SH3BP4: variants seen among roughly 807,000 people sequenced by gnomAD.
SH3BP4 encodes the protein SH3 domain-binding protein 4.
A neutral mutation model predicts 65.5 loss-of-function variants in SH3BP4; 33 were observed. That is an observed-to-expected ratio of 0.50 (90% CI 0.38 to 0.67). SH3BP4 has a LOEUF of 0.67. Among genes scored for constraint, SH3BP4 ranks in the 30% least tolerant of loss-of-function variants. The pLI is 0.00. For missense variants in SH3BP4, 1,134 were observed against 1,261.4 expected (o/e 0.90, Z 1.53); for synonymous variants, 552 against 545.5 (o/e 1.01, Z -0.17).
At chr2:235,028,332 G>T (rs1269051333) in intron 2 of SH3BP4, among the ~76,000 whole-genome samples, 1 of 152,208 alleles carries the variant, frequency 6.6e-6, no homozygotes, top group Non-Finnish European at 1.5e-5. Context: ...CTGCTGAGTA[G>T]ACGGTGGTCA....
rs536560384 is a variant in SH3BP4, at chr2:234,956,557, C to CT, written c.-207+4403dup. ...TGCATAACTGAGGACAACCCTGCCT[C>CT]TTTTTTTTTTTTTTTTGAGTTGAGA... On this transcript the variant is annotated intron_variant, in intron 1 of 5. Coordinates refer to ENST00000392011, the MANE Select transcript of SH3BP4 (RefSeq NM_014521.3). Among the ~76,000 whole-genome samples the CT allele has an allele frequency of 6.6e-3, 910 of 138,264 alleles. 7 individuals are homozygous for CT. The highest frequency in any genetic ancestry group is 0.013 in the African/African-American group (499 of 37,744). The allele number at this position is 138,264 out of a possible 152,430, so 90.7% of individuals were successfully genotyped here. A position where few individuals can be genotyped will look rare whatever the true frequency, so the allele number is the denominator to read the frequency against.
intron 1 of SH3BP4, among the ~76,000 whole-genome samples, chr2:234,981,148 T>C (rs995712471): frequency 2.4e-4 from 37 of 152,216 alleles, no homozygotes; most frequent in African/African-American, 8.7e-4. Flanking sequence ...GGCACAATTC[T>C]GAATTTTTCT....
At chr2:234,989,672 G>A (rs1693689841) in intron 1 of SH3BP4, among the ~76,000 whole-genome samples, 1 of 152,218 alleles carries the variant, frequency 6.6e-6, no homozygotes, top group Non-Finnish European at 1.5e-5. Context: ...AACTGGTGGG[G>A]CTGGGCTCTG....
rs113169153 is a variant in SH3BP4 at position 234,988,266 on chromosome 2, A to G, written c.-206-7037A>G. 1.3e-3 allele frequency among the ~76,000 whole-genome samples: 201 copies of G among 152,150 alleles called. 3 individuals carry two copies. The South Asian group carries it at 0.015, about 11-fold the overall frequency. ...AGTAGAGACAGGGTTTCACCGTGTT[A>G]GCCAGGATAGTCTTGATCTCCTGAC... On this transcript the variant is annotated intron_variant, in intron 1 of 5. Coordinates refer to ENST00000392011, the MANE Select transcript of SH3BP4 (RefSeq NM_014521.3).
At chr2:235,021,844 TA>T (rs1694855147) in intron 2 of SH3BP4, among the ~76,000 whole-genome samples, 1 of 152,142 alleles carries the variant, frequency 6.6e-6, no homozygotes, top group Non-Finnish European at 1.5e-5. Flanking sequence ...TGTACACATT[TA>T]AAAATGCATT....
At chr2:234,973,262 C>T (rs1693049905) in intron 1 of SH3BP4, among the ~76,000 whole-genome samples, 1 of 152,194 alleles carries the variant, frequency 6.6e-6, no homozygotes, top group Admixed American at 6.5e-5. Flanking sequence ...TGAGCCATCC[C>T]TGGTGGGAGG....
At chr2:235,029,474 G>T (rs1695108850) in intron 2 of SH3BP4, among the ~76,000 whole-genome samples, 1 of 152,180 alleles carries the variant, frequency 6.6e-6, no homozygotes, top group Non-Finnish European at 1.5e-5. Context: ...GCTTTGAGGG[G>T]GCTCAGGCTG....
Position 234,976,383 on chromosome 2 carries a change from T to TCAA in SH3BP4, c.-206-18918_-206-18916dup, listed in dbSNP as rs1693168061. Among the ~76,000 whole-genome samples the TCAA allele has an allele frequency of 6.6e-6, 1 of 152,230 alleles. No homozygotes were observed. Among genetic ancestry groups the TCAA allele is most frequent in the South Asian group, 2.1e-4 (1 of 4,830 alleles). ...TTTTAAACTTGTGTTGACCTTATAG[T>TCAA]CAACTGATAGTTCTGAGTAGTTAAG... On this transcript the variant is annotated intron_variant, in intron 1 of 5. Coordinates refer to ENST00000392011, the MANE Select transcript of SH3BP4 (RefSeq NM_014521.3). This position sits in a 1 kb window ranked among gnomAD's most constrained non-coding sequence, Gnocchi z 4.7.
intron 1 of SH3BP4, among the ~76,000 whole-genome samples, chr2:234,982,131 G>A (rs139264042): frequency 3.7e-4 from 56 of 152,310 alleles, no homozygotes; most frequent in African/African-American, 1.3e-3. Flanking sequence ...CTGAAAATTC[G>A]ATGTAACCGG....
chr2:235,053,604 C>A lies in SH3BP4; in HGVS notation c.2680C>A (p.Pro894Thr). 1 of 1,614,022 alleles carries A rather than the reference C, an allele frequency of 6.2e-7. No homozygotes were observed. Among genetic ancestry groups the A allele is most frequent in the Non-Finnish European group, 8.5e-7 (1 of 1,179,924 alleles). Residue 894 changes from proline to threonine, a missense_variant, in exon 6 of 6, where the codon CCT (proline) becomes ACT (threonine). By Grantham distance (38) the Pro-to-Thr change is conservative. Coordinates refer to ENST00000392011, the MANE Select transcript of SH3BP4 (RefSeq NM_014521.3). ...CTCCACCTCCCAGGCCATGTGGAAG[C>A]CTGCGTATGACTTCTTACTCACCTG... is the stretch of plus-strand genomic sequence containing the variant. Reference protein sequence around the residue: ...GVVDSEAMWKPAYDFLLTWSH... With the variant: ...GVVDSEAMWKTAYDFLLTWSH...
rs1415255712 is a variant in SH3BP4 at position 235,042,388 on chromosome 2, G to C, written c.1619G>C (p.Cys540Ser). 6.2e-7 allele frequency: 1 copy of C among 1,614,176 alleles called. No individual in the cohort carries two copies. The change falls in exon 4 of 6, where the codon TGT becomes TCT. Residue 540 changes from cysteine (C) to serine (S), a missense_variant. Cys to Ser is a moderately radical substitution (Grantham distance 112, BLOSUM62 -1). Coordinates refer to ENST00000392011, the MANE Select transcript of SH3BP4 (RefSeq NM_014521.3). This position sits in a 1 kb window ranked among gnomAD's most constrained non-coding sequence, Gnocchi z 7.3. ...TCCAGGCCCCAGGATCTCAAGGTCT[G>C]TATGTTTTCCAATATGACGAATTAC... ...VLSRPQDLKV[C>S]MFSNMTNYEV...
chr2:235,009,804 ACCTT>A (rs1447534036), intron 2 of SH3BP4, among the ~76,000 whole-genome samples: 1 of 151,784 alleles, frequency 6.6e-6, no homozygotes, highest in Admixed American at 6.6e-5. Flanking sequence ...AAAACCCTCT[ACCTT>A]CCTTTTTCTC....
Position 234,970,253 on chromosome 2 carries a change from T to C in SH3BP4, c.-207+18083T>C, listed in dbSNP as rs370580986. On this transcript the variant is annotated intron_variant, in intron 1 of 5. Coordinates refer to ENST00000392011, the MANE Select transcript of SH3BP4 (RefSeq NM_014521.3). ...CGCTGATGCCGAAGGACTGGCCGGATGGAATCTTAAATGTAGAGAAGCCTT... is the reference window on the plus strand; with the variant it reads ...CGCTGATGCCGAAGGACTGGCCGGACGGAATCTTAAATGTAGAGAAGCCTT... 6.6e-5 allele frequency among the ~76,000 whole-genome samples: 10 copies of C among 152,222 alleles called. No individual in the cohort carries two copies. In the East Asian group the frequency reaches 7.7e-4, roughly 12 times the overall value.
rs1468643681 is a variant in SH3BP4, at chr2:234,978,389, A to G, written c.-206-16914A>G. On this transcript the variant is annotated intron_variant, in intron 1 of 5. Transcript: ENST00000392011. The surrounding 1 kb of genome is among the most constrained non-coding windows in gnomAD (Gnocchi z 4.1). ...GGTGCCAGGTGAGGAGGGTGGGTAA[A>G]AATGCAGGGTCCTCCTCACTGCAGT... 6.6e-6 allele frequency among the ~76,000 whole-genome samples: 1 copy of G among 152,128 alleles called. No homozygotes were observed. The highest frequency in any genetic ancestry group is 1.5e-5 in the Non-Finnish European group (1 of 68,020).
chr2:235,018,768 G>C (rs1187208874), intron 2 of SH3BP4, among the ~76,000 whole-genome samples: 1 of 152,116 alleles, frequency 6.6e-6, no homozygotes, highest in Non-Finnish European at 1.5e-5. Flanking sequence ...GTGTTGTTCT[G>C]GGAATCGGGG....
chr2:235,012,214 T>C (rs1694532714), intron 2 of SH3BP4, among the ~76,000 whole-genome samples: 1 of 152,034 alleles, frequency 6.6e-6, no homozygotes, highest in African/African-American at 2.4e-5. Flanking sequence ...GCAACTGGGA[T>C]GGGAAGCGCC....
chr2:235,042,583 G>T lies in SH3BP4; in HGVS notation c.1814G>T (p.Cys605Phe), dbSNP rs1468943061. The T allele has an allele frequency of 6.8e-6, 11 of 1,613,930 alleles. No individual in the cohort carries two copies. The highest frequency in any genetic ancestry group is 1.3e-5 in the African/African-American group (1 of 74,892). The change falls in exon 4 of 6, where the codon TGT becomes TTT. Residue 605 changes from cysteine (C) to phenylalanine (F), a missense_variant. Cys to Phe is a radical substitution (Grantham distance 205, BLOSUM62 -2). Coordinates refer to ENST00000392011, the MANE Select transcript of SH3BP4 (RefSeq NM_014521.3). This position sits in a 1 kb window ranked among gnomAD's most constrained non-coding sequence, Gnocchi z 7.3. ...DDQEAILTQF[C>F]VQTPQPPPKS... ...CAGGAGGCCATCCTCACCCAGTTTT[G>T]TGTCCAGACTCCTCAGCCACCCCCT...
Position 235,016,371 on chromosome 2 carries a change from G to T in SH3BP4, c.-132-18500G>T, listed in dbSNP as rs1339348783. ...GTCACCTGAGCATGTGTTGTACTGG[G>T]TGTGCTGCGGTGTTGTACTTAGAAA... On this transcript the variant is annotated intron_variant, in intron 2 of 5. Coordinates refer to ENST00000392011, the MANE Select transcript of SH3BP4 (RefSeq NM_014521.3). 2.6e-5 allele frequency among the ~76,000 whole-genome samples: 4 copies of T among 152,292 alleles called. No homozygotes were observed. The East Asian group carries it at 7.7e-4, about 29-fold the overall frequency.
intron 1 of SH3BP4, among the ~76,000 whole-genome samples, chr2:234,985,735 G>A (rs932994889): frequency 6.6e-6 from 1 of 152,200 alleles, no homozygotes; most frequent in Admixed American, 6.5e-5. Flanking sequence ...CAGGGACTGT[G>A]CGCAGGTGAA....
Sources: gnomAD v4.1 joint callset for allele counts (sites outside exome capture counted in the v4.1 genomes callset) on GRCh38, gnomAD v4.1.1 for gene constraint, Gnocchi (gnomAD v3.1) non-coding constraint, MANE v1.5 for transcripts, NCBI Gene and HGNC (gene_info 2026-07-23, HGNC 2026-07-21) for gene names.